SIRPB1: variants seen among roughly 807,000 people sequenced by gnomAD.
The protein encoded by SIRPB1 is signal regulatory protein beta 1.
A neutral mutation model predicts 34.1 loss-of-function variants in SIRPB1; 28 were observed. The observed-to-expected ratio is 0.82, with a 90% CI of 0.61 to 1.12. The LOEUF (loss-of-function observed/expected upper bound fraction) is 1.12, where lower values mean the gene tolerates loss of function less well. SIRPB1 is among the 50% of genes most tolerant of loss of function. The pLI, the probability that SIRPB1 is intolerant of heterozygous loss-of-function variation, is 0.00. For synonymous variants in SIRPB1, 211 were observed against 203.8 expected (o/e 1.04, Z -0.30); for missense variants, 499 against 507.0 (o/e 0.98, Z 0.15).
rs2091097156 is a variant in SIRPB1, at chr20:1,563,744, G to C, written c.*1756C>G. 1 of 152,116 alleles carries C rather than the reference G, an allele frequency of 6.6e-6. No homozygotes were observed. Among genetic ancestry groups the C allele is most frequent in the African/African-American group, 2.4e-5 (1 of 41,384 alleles). The allele number at this position is 152,116 out of a possible 1,614,324, so 9.4% of individuals were successfully genotyped here. ...CATGGTGGCAGGAGGGAGAGAGAGA[G>C]AGAGAGCGAAGGGGGACTTGCCACA... is the stretch of plus-strand genomic sequence containing the variant. On this transcript the variant is annotated 3_prime_UTR_variant, in exon 6 of 6. Transcript: ENST00000381605.
Position 1,609,639 on chromosome 20 carries a change from A to T in SIRPB1, c.76+10230T>A, listed in dbSNP as rs574781569. Among the ~76,000 whole-genome samples the T allele has an allele frequency of 8.4e-4, 61 of 72,466 alleles. 27 individuals are homozygous for T. Among genetic ancestry groups the T allele is most frequent in the African/African-American group, 5.1e-3 (58 of 11,424 alleles). 47.5% of individuals were successfully genotyped at this position (72,466 alleles called of 152,430 possible). On this transcript the variant is annotated intron_variant, in intron 1 of 5. Coordinates refer to ENST00000381605, the MANE Select transcript of SIRPB1 (RefSeq NM_006065.5). ...AGATGTTAAAACCACTGTATTAAAA[A>T]TGTTTGAAGTGGGGCTGGGCACGGT... is the stretch of plus-strand genomic sequence containing the variant.
intron 2 of SIRPB1, among the ~76,000 whole-genome samples, chr20:1,572,448 C>T (rs146823211): frequency 0.1 from 14,861 of 149,006 alleles, 918 homozygotes; most frequent in Middle Eastern, 0.15. Context: ...GGCAAAGTGG[C>T]ACCACCGTGA....
Position 1,564,678 on chromosome 20 carries a change from A to G in SIRPB1, c.*822T>C, listed in dbSNP as rs1279083129. ...GAAAACCAATTGTTAAATTTCAGGA[A>G]TCTTGCAATCTGGTTGTTTAACTGT... is the stretch of plus-strand genomic sequence containing the variant. On this transcript the variant is annotated 3_prime_UTR_variant, in exon 6 of 6. Coordinates refer to ENST00000381605, the MANE Select transcript of SIRPB1 (RefSeq NM_006065.5). 2.7e-6 allele frequency: 1 copy of G among 372,562 alleles called. No homozygotes were observed. The highest frequency in any genetic ancestry group is 4.8e-6 in the Non-Finnish European group (1 of 210,100). The allele number at this position is 372,562 out of a possible 1,614,324, so 23.1% of individuals were successfully genotyped here. A position where few individuals can be genotyped will look rare whatever the true frequency, so the allele number is the denominator to read the frequency against.
chr20:1,569,274 T>G (rs1366280659), intron 4 of SIRPB1, among the ~76,000 whole-genome samples: 1 of 152,216 alleles, frequency 6.6e-6, no homozygotes, highest in Non-Finnish European at 1.5e-5. Flanking sequence ...AAACCAAATT[T>G]AACACACAGG....
At position 1,570,985 on chromosome 20, in the gene SIRPB1, T is replaced by C; in HGVS notation, c.904A>G (p.Ile302Val). ...TTGTAGGTGCCATCCTTGTTCTCTA[T>C]GAGGGTCGAAGCTGTTTCTGTCCGG... is the stretch of plus-strand genomic sequence containing the variant. ...VSRTETASTL[I>V]ENKDGTYNWM... The change falls in exon 4 of 6, where the codon ATA (isoleucine) becomes GTA (valine). Residue 302 changes from isoleucine (I) to valine (V), a missense_variant. Physicochemically the swap from Ile to Val is conservative, Grantham distance 29. Coordinates refer to ENST00000381605, the MANE Select transcript of SIRPB1 (RefSeq NM_006065.5). The C allele has an allele frequency of 3.7e-6, 6 of 1,614,154 alleles. No individual in the cohort carries two copies. The highest frequency in any genetic ancestry group is 3.3e-5 in the South Asian group (3 of 91,080).
rs1446420377 is a variant in SIRPB1 at position 1,565,195 on chromosome 20, G to A, written c.*305C>T. 5 of 396,844 alleles carry A rather than the reference G, an allele frequency of 1.3e-5. No homozygotes were observed. The highest frequency in any genetic ancestry group is 2.2e-5 in the Non-Finnish European group (5 of 225,548). The allele number at this position is 396,844 out of a possible 1,614,324, so 24.6% of individuals were successfully genotyped here. ...GCCTGGAGAGAGTCTGTGGTTTATG[G>A]CCAGTCCCAAGGCGACGGATGGGAG... On this transcript the variant is annotated 3_prime_UTR_variant, in exon 6 of 6. Coordinates refer to ENST00000381605, the MANE Select transcript of SIRPB1 (RefSeq NM_006065.5).
Position 1,577,302 on chromosome 20 carries a change from G to T in SIRPB1, c.433+1036C>A, listed in dbSNP as rs568076787. Among the ~76,000 whole-genome samples the T allele has an allele frequency of 4.0e-4, 59 of 147,880 alleles. 7 individuals carry two copies. The highest frequency in any genetic ancestry group is 7.0e-3 in the Middle Eastern group (2 of 286). On this transcript the variant is annotated intron_variant, in intron 2 of 5. Transcript: ENST00000381605. ...GCTGGGGAAGGAAGGAGACTGCCAC[G>T]ATTCAGATATGGACTCTGGCTCCAA...
chr20:1,578,291 GTTA>G, intron 2 of SIRPB1, 44 bp downstream of exon 2: 1 of 1,536,656 alleles, frequency 6.5e-7, no homozygotes, highest in Non-Finnish European at 9.0e-7. Flanking sequence ...TAATTATTGA[GTTA>G]TTGTCACACA....
chr20:1,576,718 A>G (rs1568688577), intron 2 of SIRPB1, among the ~76,000 whole-genome samples: 1 of 148,416 alleles, frequency 6.7e-6, no homozygotes, highest in Non-Finnish European at 1.5e-5. Flanking sequence ...ACCAGCCTGA[A>G]CAACATGGAG....
chr20:1,570,300 T>TG (rs1047175403), intron 4 of SIRPB1, among the ~76,000 whole-genome samples: 1 of 152,214 alleles, frequency 6.6e-6, no homozygotes, highest in Non-Finnish European at 1.5e-5. Context: ...CCAGGTCACC[T>TG]GGGGGTCTGT....
intron 3 of SIRPB1, 81 bp from the exon 4 acceptor site, chr20:1,571,218 A>C (rs978529193): frequency 6.5e-6 from 9 of 1,389,300 alleles, no homozygotes; most frequent in Non-Finnish European, 7.9e-6. Context: ...GCTCCCACCA[A>C]CACAGTGAGG....
Position 1,561,896 on chromosome 20 carries a change from C to A in SIRPB1, c.*3604G>T, listed in dbSNP as rs181728776. ...CTTCAGGAGTGGAAGTTATGTTCCA[C>A]CTCCTTTAGAGTGGAGTGTATAAAT... On this transcript the variant is annotated 3_prime_UTR_variant, in exon 6 of 6. Coordinates refer to ENST00000381605, the MANE Select transcript of SIRPB1 (RefSeq NM_006065.5). Among the ~76,000 whole-genome samples, 1 of 152,208 alleles carries A rather than the reference C, an allele frequency of 6.6e-6. No homozygotes were observed. The highest frequency in any genetic ancestry group is 1.9e-4 in the East Asian group (1 of 5,188).
Position 1,571,010 on chromosome 20 carries a change from G to A in SIRPB1, c.879C>T (p.Ser293=). 6.2e-7 allele frequency: 1 copy of A among 1,614,130 alleles called. No individual in the cohort carries two copies. Among genetic ancestry groups the A allele is most frequent in the Non-Finnish European group, 8.5e-7 (1 of 1,180,008 alleles). ...TGAGGGTCGAAGCTGTTTCTGTCCGGGACACATTTCCATTCTCCAACCAGG... is the reference window on the plus strand; with the variant it reads ...TGAGGGTCGAAGCTGTTTCTGTCCGAGACACATTTCCATTCTCCAACCAGG... The part of the protein sequence containing the change: ...QLTWLENGNV[S]RTETASTLIE... The change falls in exon 4 of 6, where the codon TCC becomes TCT. Residue 293 remains serine (S), a synonymous_variant. Transcript: ENST00000381605.
intron 2 of SIRPB1, among the ~76,000 whole-genome samples, chr20:1,576,417 T>C (rs2091310827): frequency 6.7e-6 from 1 of 148,182 alleles, no homozygotes; most frequent in Admixed American, 6.7e-5. Context: ...TTCTGTTTTT[T>C]TGCCTTTCCA....
intron 4 of SIRPB1, among the ~76,000 whole-genome samples, chr20:1,569,584 T>C (rs1267599978): frequency 6.6e-6 from 1 of 152,216 alleles, no homozygotes; most frequent in Admixed American, 6.5e-5. Flanking sequence ...GGCAGGGACA[T>C]GAACAAATCC....
At position 1,570,898 on chromosome 20, in the gene SIRPB1, G is replaced by A. The variant is rs754183500; in HGVS notation, c.991C>T (p.Gln331Ter). Residue 331 changes from glutamine to a stop codon, truncating the protein, a stop_gained, in exon 4 of 6, where the codon CAG becomes TAG. Transcript: ENST00000381605. LOFTEE classifies it high-confidence loss of function. The stretch of plus-strand genomic sequence containing the variant: ...GCTTGCTGCCCATCATGCTCCACCT[G>A]ACAGGTGAGCACCACATCGTCCCTG... Reference protein sequence around the residue: ...AHRDDVVLTCQVEHDGQQAVS... With the variant: ...AHRDDVVLTC 3.1e-6 allele frequency: 5 copies of A among 1,614,158 alleles called. No homozygotes were observed. The highest frequency in any genetic ancestry group is 4.2e-6 in the Non-Finnish European group (5 of 1,180,018).
chr20:1,568,475 A>G (rs535546557), intron 4 of SIRPB1, among the ~76,000 whole-genome samples: 287 of 152,332 alleles, frequency 1.9e-3, no homozygotes, highest in African/African-American at 6.8e-3. Context: ...GGTGGTTGGA[A>G]GTCTAAGAAA....
At chr20:1,577,907 C>T (rs1325163335) in intron 2 of SIRPB1, among the ~76,000 whole-genome samples, 1 of 147,878 alleles carries the variant, frequency 6.8e-6, no homozygotes, top group East Asian at 1.9e-4. Context: ...GCATCCAGGG[C>T]AGAGCCTGGC....
chr20:1,577,121 C>G (rs1339148158), intron 2 of SIRPB1, among the ~76,000 whole-genome samples: 1 of 148,294 alleles, frequency 6.7e-6, no homozygotes, highest in Non-Finnish European at 1.5e-5. Context: ...TTTCTAGTCA[C>G]CAATGAGCTT....
Sources: allele counts gnomAD v4.1 joint callset (sites outside exome capture counted in the v4.1 genomes callset), GRCh38; gene constraint gnomAD v4.1.1; transcripts MANE v1.5; gene names NCBI Gene and HGNC (gene_info 2026-07-23, HGNC 2026-07-21).